Variants in DPP9 observed in about 807,000 individuals in gnomAD.
DPP9 encodes the protein dipeptidyl peptidase 9.
Under a neutral mutation model 110.7 loss-of-function variants are expected in DPP9, and 50 were observed. The observed-to-expected ratio is 0.45, with a 90% CI of 0.36 to 0.57. The LOEUF is 0.57. Ranked by LOEUF, DPP9 falls within the 20% of genes least tolerant of loss-of-function variation. DPP9 has a pLI of 0.00. For synonymous variants in DPP9, 561 were observed against 514.4 expected, an observed-to-expected ratio of 1.09 and a Z score of -1.23; for missense variants, 1,022 against 1,217.9, an observed-to-expected ratio of 0.84 and a Z score of 2.39.
At position 4,697,545 on chromosome 19, in the gene DPP9, A is replaced by C. The variant is rs1171524120; in HGVS notation, c.1175+6T>G. 1.2e-6 allele frequency: 2 copies of C among 1,611,798 alleles called. No individual in the cohort carries two copies. Among genetic ancestry groups the C allele is most frequent in the Non-Finnish European group, 8.5e-7 (1 of 1,178,450 alleles). Reference sequence around the variant, plus strand: ...AATTCCTTGGGTTCCAGCCAGAGACACTCACTATTTGCCATCCCGGGTCCA... The same window carrying C: ...AATTCCTTGGGTTCCAGCCAGAGACCCTCACTATTTGCCATCCCGGGTCCA... On this transcript the variant is annotated splice_donor_region_variant and intron_variant, in intron 11 of 21. Coordinates refer to ENST00000262960, the MANE Select transcript of DPP9 (RefSeq NM_139159.5).
At chr19:4,697,482 G>C in intron 11 of DPP9, 69 bp downstream of exon 11, 1 of 1,368,640 alleles carries the variant, frequency 7.3e-7, no homozygotes, top group Non-Finnish European at 1.0e-6. Context: ...CCAGGAGGCA[G>C]CTTCGGTGGC....
chr19:4,703,938 C>A lies in DPP9; in HGVS notation c.717G>T (p.Trp239Cys), dbSNP rs1599922706. The A allele has an allele frequency of 6.2e-7, 1 of 1,613,332 alleles. No homozygotes were observed. Among genetic ancestry groups the A allele is most frequent in the Admixed American group, 1.7e-5 (1 of 59,868 alleles). Residue 239 changes from tryptophan to cysteine, a missense_variant, in exon 7 of 22, where the codon TGG (tryptophan) becomes TGT (cysteine). By Grantham distance (215) the Trp-to-Cys change is radical. Coordinates refer to ENST00000262960, the MANE Select transcript of DPP9 (RefSeq NM_139159.5). ...FFSFINNSDLWVANIETGEER... is the reference protein window; with the variant it reads ...FFSFINNSDLCVANIETGEER... The stretch of plus-strand genomic sequence containing the variant: ...CCTCGCCTGTCTCGATGTTGGCCAC[C>A]CACAGGTCGCTGTTATTGATGAAGG...
At chr19:4,697,976 G>A (rs1387900765) in intron 10 of DPP9, among the ~76,000 whole-genome samples, 1 of 152,188 alleles carries the variant, frequency 6.6e-6, no homozygotes, top group Non-Finnish European at 1.5e-5. Context: ...CATGGAGAAG[G>A]AGCCACCTGC....
In DPP9 at chr19:4,706,928, C is replaced by T. The variant is rs192206608; in HGVS notation, c.314-958G>A. 2.7e-3 allele frequency among the ~76,000 whole-genome samples: 407 copies of T among 152,300 alleles called. 1 individual carries two copies. Among genetic ancestry groups the T allele is most frequent in the African/African-American group, 9.3e-3 (388 of 41,560 alleles). On this transcript the variant is annotated intron_variant, in intron 4 of 21. Coordinates refer to ENST00000262960, the MANE Select transcript of DPP9 (RefSeq NM_139159.5). ...TGGGGCTGTCCTGACCACTGCGAGG[C>T]GCTGAGCAGCATCCCTGTCCTCCGC...
At chr19:4,707,197 G>A (rs2092626435) in intron 4 of DPP9, among the ~76,000 whole-genome samples, 1 of 152,218 alleles carries the variant, frequency 6.6e-6, no homozygotes, top group African/African-American at 2.4e-5. Context: ...TATTTCATCA[G>A]TAAGCCGCGG....
Position 4,683,465 on chromosome 19 carries a change from G to T in DPP9, c.2331+12C>A. Reference sequence around the variant, plus strand: ...AGGGGCGTGGCTGAGGCCGGCCAGGGGTGGGACCCACCTTGAACACCTGGG... The same window carrying T: ...AGGGGCGTGGCTGAGGCCGGCCAGGTGTGGGACCCACCTTGAACACCTGGG... On this transcript the variant is annotated intron_variant, in intron 19 of 21. Transcript: ENST00000262960. The T allele has an allele frequency of 6.2e-7, 1 of 1,612,730 alleles. No homozygotes were observed. Among genetic ancestry groups the T allele is most frequent in the Non-Finnish European group, 8.5e-7 (1 of 1,179,812 alleles).
chr19:4,712,773 A>T (rs2092894802), intron 4 of DPP9, among the ~76,000 whole-genome samples: 1 of 152,134 alleles, frequency 6.6e-6, no homozygotes. Context: ...CCAGACCACC[A>T]TCTGATTCCC....
chr19:4,681,945 T>C (rs1332693408), intron 20 of DPP9, among the ~76,000 whole-genome samples: 1 of 148,600 alleles, frequency 6.7e-6, no homozygotes, highest in East Asian at 2.0e-4. Context: ...GCCTCCCGGG[T>C]TCACGCCATT....
chr19:4,708,906 G>A (rs1471635666), intron 4 of DPP9, among the ~76,000 whole-genome samples: 5 of 152,312 alleles, frequency 3.3e-5, no homozygotes, highest in Admixed American at 6.5e-5. Flanking sequence ...ACCGGCACAT[G>A]TGCCCTTGAA....
chr19:4,707,964 C>G (rs2092668429), intron 4 of DPP9, among the ~76,000 whole-genome samples: 1 of 152,130 alleles, frequency 6.6e-6, no homozygotes, highest in Non-Finnish European at 1.5e-5. Flanking sequence ...AGGCCACAAG[C>G]TCGCCGCCTC....
chr19:4,708,927 T>C (rs1245280126), intron 4 of DPP9, among the ~76,000 whole-genome samples: 1 of 152,174 alleles, frequency 6.6e-6, no homozygotes, highest in Admixed American at 6.5e-5. Flanking sequence ...CCTAAAAGTT[T>C]GTTTTCTTGA....
chr19:4,692,769 C>T (rs575420794), intron 13 of DPP9, among the ~76,000 whole-genome samples: 25 of 152,170 alleles, frequency 1.6e-4, no homozygotes, highest in Non-Finnish European at 3.5e-4. Context: ...TACATGAAAT[C>T]CCAATGCCAG....
intron 10 of DPP9, among the ~76,000 whole-genome samples, chr19:4,699,190 A>T (rs2092051868): frequency 6.6e-6 from 1 of 150,992 alleles, no homozygotes; most frequent in Non-Finnish European, 1.5e-5. Context: ...AAAAGAATGC[A>T]AAAGAGGTCT....
chr19:4,714,352 C>T lies in DPP9; in HGVS notation c.57-15G>A, dbSNP rs1386804392. On this transcript the variant is annotated splice_polypyrimidine_tract_variant and intron_variant, in intron 3 of 21. Coordinates refer to ENST00000262960, the MANE Select transcript of DPP9 (RefSeq NM_139159.5). ...TCAGCGAGAAGCTGCGGGGAGGAAGCAAAGACTATGAGAAAGGAGAACTGT... is the reference window on the plus strand; with the variant it reads ...TCAGCGAGAAGCTGCGGGGAGGAAGTAAAGACTATGAGAAAGGAGAACTGT... The T allele has an allele frequency of 1.4e-6, 2 of 1,478,932 alleles. No homozygotes were observed. The highest frequency in any genetic ancestry group is 1.8e-6 in the Non-Finnish European group (2 of 1,115,940). The allele number at this position is 1,478,932 out of a possible 1,614,324, so 91.6% of individuals were successfully genotyped here. A position where few individuals can be genotyped will look rare whatever the true frequency, so the allele number is the denominator to read the frequency against.
At chr19:4,681,912 G>T (rs1233625522) in intron 20 of DPP9, among the ~76,000 whole-genome samples, 1 of 142,044 alleles carries the variant, frequency 7.0e-6, no homozygotes, top group African/African-American at 2.7e-5. Flanking sequence ...AGTGGCGCAC[G>T]ATCTCGGCTC....
In DPP9 at chr19:4,687,284, A is replaced by C. The variant is rs1312043013; in HGVS notation, c.1885+1473T>G. ...ATGCTGGAAATTCGTTGTGTTTAGAATGTTCTGGAAACCCACCAACATGGC... is the reference window on the plus strand; with the variant it reads ...ATGCTGGAAATTCGTTGTGTTTAGACTGTTCTGGAAACCCACCAACATGGC... On this transcript the variant is annotated intron_variant, in intron 16 of 21. Coordinates refer to ENST00000262960, the MANE Select transcript of DPP9 (RefSeq NM_139159.5). This position sits in a 1 kb window ranked among gnomAD's most constrained non-coding sequence, Gnocchi z 4.7. Among the ~76,000 whole-genome samples the C allele has an allele frequency of 6.6e-6, 1 of 152,128 alleles. No individual in the cohort carries two copies. Among genetic ancestry groups the C allele is most frequent in the African/African-American group, 2.4e-5 (1 of 41,418 alleles).
chr19:4,678,940 G>A (rs1401046962), intron 21 of DPP9, among the ~76,000 whole-genome samples: 1 of 151,970 alleles, frequency 6.6e-6, no homozygotes, highest in East Asian at 1.9e-4. Context: ...ATGGCAAGCC[G>A]CCCAACTCTA....
chr19:4,683,110 C>T, intron 19 of DPP9: 1 of 1,479,138 alleles, frequency 6.8e-7, no homozygotes. Flanking sequence ...CCTCCTCCTC[C>T]TCCTCATCGC....
chr19:4,683,301 G>A (rs1003676407), intron 19 of DPP9, 176 bp downstream of exon 19: 1 of 1,443,108 alleles, frequency 6.9e-7, no homozygotes, highest in Admixed American at 2.7e-5. Context: ...GCAATGAGGA[G>A]GGGGGCTCGG....
Sources: allele counts gnomAD v4.1 joint callset (sites outside exome capture counted in the v4.1 genomes callset), GRCh38; gene constraint gnomAD v4.1.1; non-coding constraint Gnocchi (gnomAD v3.1); transcripts MANE v1.5; gene names NCBI Gene and HGNC (gene_info 2026-07-23, HGNC 2026-07-21).